Variants in ZNF735 observed in about 807,000 individuals in gnomAD.
ZNF735 encodes the protein zinc finger protein 735, also known as putative zinc finger protein 735.
A neutral mutation model predicts 13.4 loss-of-function variants in ZNF735; 11 were observed. That is an observed-to-expected ratio of 0.82 (90% CI 0.52 to 1.36). The LOEUF is 1.36. Ranked by LOEUF, ZNF735 falls within the 40% of genes most tolerant of loss-of-function variation. The probability of loss-of-function intolerance (pLI) is 0.00; values close to 1 mark genes in which losing one functional copy is unlikely to be tolerated. For synonymous variants in ZNF735, 171 were observed against 162.6 expected (o/e 1.05, Z -0.39); for missense variants, 500 against 484.6 (o/e 1.03, Z -0.30).
chr7:64,214,628 A>C (rs112606825), intron 3 of ZNF735, among the ~76,000 whole-genome samples: 4 of 151,962 alleles, frequency 2.6e-5, no homozygotes, highest in Admixed American at 1.3e-4. Flanking sequence ...TTTTAATTTT[A>C]TATACGTATT....
intron 3 of ZNF735, among the ~76,000 whole-genome samples, chr7:64,217,674 C>T (rs1417370202): frequency 6.6e-6 from 1 of 151,818 alleles, no homozygotes; most frequent in Non-Finnish European, 1.5e-5. Context: ...ACTCATTTTA[C>T]TATTATATAA....
chr7:64,213,325 T>A, intron 2 of ZNF735, 107 bp downstream of exon 2: 1 of 1,147,444 alleles, frequency 8.7e-7, no homozygotes, highest in Non-Finnish European at 1.2e-6. Flanking sequence ...CTCTCCGATT[T>A]AAAGAAAATC....
intron 3 of ZNF735, among the ~76,000 whole-genome samples, chr7:64,215,230 T>G (rs1787406027): frequency 6.6e-6 from 1 of 152,028 alleles, no homozygotes; most frequent in African/African-American, 2.4e-5. Context: ...CAGCTAATTT[T>G]GTATTTTTAG....
In ZNF735 at chr7:64,211,096, T is replaced by C. The variant is rs537948054; in HGVS notation, c.40-1996T>C. ...CCTAATGAGTTTGTTTCAACTACTT[T>C]TTGTGATTTGTATGATAGTCAAGGG... is the stretch of plus-strand genomic sequence containing the variant. On this transcript the variant is annotated intron_variant, in intron 1 of 3. Transcript: ENST00000429565. Among the ~76,000 whole-genome samples, 33 of 152,344 alleles carry C rather than the reference T, an allele frequency of 2.2e-4. No individual in the cohort carries two copies. In the South Asian group the frequency reaches 6.8e-3, roughly 32 times the overall value.
Position 64,219,843 on chromosome 7 carries a change from T to A in ZNF735, c.792T>A (p.Thr264=), listed in dbSNP as rs778226347. The A allele has an allele frequency of 6.2e-6, 10 of 1,613,742 alleles. No individual in the cohort carries two copies. The South Asian group carries it at 8.8e-5, about 14-fold the overall frequency. Residue 264 remains threonine, a synonymous_variant, in exon 4 of 4, where the codon ACT becomes ACA. Transcript: ENST00000429565. ...TTACTAGACATAAGAGAATTCACAC[T>A]GGAGAGAAACCCTACGCATGTGAAG...
chr7:64,211,774 G>T (rs1374860363), intron 1 of ZNF735, among the ~76,000 whole-genome samples: 1 of 151,414 alleles, frequency 6.6e-6, no homozygotes, highest in African/African-American at 2.4e-5. Flanking sequence ...GTTGAGGCAG[G>T]AGAATTGCTT....
chr7:64,218,937 A>G (rs1399949190), intron 3 of ZNF735, among the ~76,000 whole-genome samples: 1 of 152,160 alleles, frequency 6.6e-6, no homozygotes, highest in African/African-American at 2.4e-5. Context: ...TCTGTCCATG[A>G]TAGTGCAGTC....
chr7:64,219,046 G>A (rs1175868790), intron 3 of ZNF735, among the ~76,000 whole-genome samples: 5 of 152,042 alleles, frequency 3.3e-5, no homozygotes, highest in Non-Finnish European at 7.4e-5. Context: ...GGCTGTGTTG[G>A]GTAAATGTAG....
At chr7:64,219,788 G>T in exon 4 of ZNF735, 1 of 1,612,372 alleles carries the variant, frequency 6.2e-7, no homozygotes, top group Non-Finnish European at 8.5e-7. Flanking sequence ...TGTGAGGAAT[G>T]TGGCAAAGCC....
chr7:64,219,978 C>T, exon 4 of ZNF735: 1 of 1,613,942 alleles, frequency 6.2e-7, no homozygotes, highest in Non-Finnish European at 8.5e-7. Flanking sequence ...TTAGCGTATC[C>T]TCAGCCCTCA....
chr7:64,214,471 T>C (rs1182625817), intron 3 of ZNF735, among the ~76,000 whole-genome samples: 1 of 152,132 alleles, frequency 6.6e-6, no homozygotes, highest in African/African-American at 2.4e-5. Flanking sequence ...GTTAAACCAT[T>C]TAAAAAACTT....
At chr7:64,212,643 A>G (rs1247853409) in intron 1 of ZNF735, among the ~76,000 whole-genome samples, 1 of 152,032 alleles carries the variant, frequency 6.6e-6, no homozygotes, top group African/African-American at 2.4e-5. Context: ...AAATACAAAA[A>G]TTAGCCAGGC....
At chr7:64,215,426 T>C (rs1454688845) in intron 3 of ZNF735, among the ~76,000 whole-genome samples, 1 of 152,192 alleles carries the variant, frequency 6.6e-6, no homozygotes, top group East Asian at 1.9e-4. Context: ...TTATATATTT[T>C]CAATATTAAG....
At chr7:64,211,888 A>T (rs1787364392) in intron 1 of ZNF735, among the ~76,000 whole-genome samples, 2 of 99,704 alleles carry the variant, frequency 2.0e-5, no homozygotes, top group African/African-American at 7.5e-5. Context: ...AAAAAGAAAA[A>T]AAATATATAT....
chr7:64,210,779 A>C (rs1787350261), intron 1 of ZNF735, among the ~76,000 whole-genome samples: 1 of 152,096 alleles, frequency 6.6e-6, no homozygotes, highest in Non-Finnish European at 1.5e-5. Flanking sequence ...TCAATTATAC[A>C]CAACAAAAAT....
In ZNF735 at chr7:64,220,110, C is replaced by T. The variant is rs1443689463; in HGVS notation, c.1059C>T (p.Tyr353=). 4 of 1,613,612 alleles carry T rather than the reference C, an allele frequency of 2.5e-6. No individual in the cohort carries two copies. In the South Asian group the frequency reaches 4.4e-5, roughly 18 times the overall value. ...TAATTCATACTGGAGAGAAACCCTA[C>T]ACATGTGAAGAATGTGGCAGAACCT... Residue 353 remains tyrosine (Y), a synonymous_variant, in exon 4 of 4, where the codon TAC becomes TAT. Transcript: ENST00000429565.
intron 3 of ZNF735, among the ~76,000 whole-genome samples, chr7:64,215,695 G>A (rs10230605): frequency 0.068 from 9,932 of 146,740 alleles, 528 homozygotes; most frequent in African/African-American, 0.14. Flanking sequence ...AATATTTTTT[G>A]TATATGGTGC....
At chr7:64,214,414 TGCTTTTGGG>T (rs1787395609) in intron 3 of ZNF735, among the ~76,000 whole-genome samples, 1 of 152,126 alleles carries the variant, frequency 6.6e-6, no homozygotes, top group Non-Finnish European at 1.5e-5. Flanking sequence ...ACTTTGCCAT[TGCTTTTGGG>T]GACACACTAA....
At chr7:64,207,986 C>CAA (rs111916875) in intron 1 of ZNF735, among the ~76,000 whole-genome samples, 2,424 of 143,044 alleles carry the variant, frequency 0.017, 32 homozygotes, top group Non-Finnish European at 0.026. Flanking sequence ...GACTCCACCT[C>CAA]AAAAAAAAAA....
Sources: gnomAD v4.1 joint callset for allele counts (sites outside exome capture counted in the v4.1 genomes callset) on GRCh38, gnomAD v4.1.1 for gene constraint, MANE v1.5 for transcripts, NCBI Gene and HGNC (gene_info 2026-07-23, HGNC 2026-07-21) for gene names.